The following INSL6 variants were observed in gnomAD, a reference collection of about 807,000 sequenced individuals.
INSL6 encodes the protein insulin like 6.
A neutral mutation model predicts 9.4 loss-of-function variants in INSL6; 16 were observed. That is an observed-to-expected ratio of 1.70 (90% CI 1.15 to 2.59). The LOEUF (loss-of-function observed/expected upper bound fraction) is 2.59. Ranked by LOEUF, INSL6 falls within the 30% of genes most tolerant of loss-of-function variation. The pLI is 0.00. For missense variants in INSL6, 391 were observed against 257.3 expected, an observed-to-expected ratio of 1.52 and a Z score of -3.56; for synonymous variants, 154 against 96.9, an observed-to-expected ratio of 1.59 and a Z score of -3.46.
At chr9:5,172,675 T>G (rs193206339) in intron 1 of INSL6, among the ~76,000 whole-genome samples, 1 of 152,138 alleles carries the variant, frequency 6.6e-6, no homozygotes, top group Admixed American at 6.5e-5. Context: ...ACGCCTGTAA[T>G]CCCAGCACTT....
the INSL6 span, chr9:5,072,675 G>T: frequency 7.0e-7 from 1 of 1,433,848 alleles, no homozygotes; most frequent in Non-Finnish European, 9.4e-7. Context: ...GTTTAAAGAT[G>T]TGCTCTCATA....
intron 3 of INSL6, among the ~76,000 whole-genome samples, chr9:5,125,487 CATAA>C (rs965916105): frequency 2.0e-5 from 3 of 151,440 alleles, no homozygotes; most frequent in Admixed American, 6.6e-5. Context: ...CATCCTCATG[CATAA>C]ATATTTATAT....
chr9:5,130,309 C>CTATT (rs1824243620), intron 3 of INSL6, among the ~76,000 whole-genome samples: 1 of 152,152 alleles, frequency 6.6e-6, no homozygotes, highest in Non-Finnish European at 1.5e-5. Context: ...CATATACATG[C>CTATT]TATTTATTGA....
chr9:5,041,050 C>T, the INSL6 span: 1 of 684,546 alleles, frequency 1.5e-6, no homozygotes. Context: ...CAGCTCAGCG[C>T]CATAGAGGGC....
the INSL6 span, among the ~76,000 whole-genome samples, chr9:5,067,855 A>T: frequency 6.6e-6 from 1 of 152,122 alleles, no homozygotes; most frequent in Non-Finnish European, 1.5e-5. Flanking sequence ...ACAGGTTTAC[A>T]ATTATTAAGA....
At chr9:5,072,002 A>T in the INSL6 span, among the ~76,000 whole-genome samples, 141 of 152,296 alleles carry the variant, frequency 9.3e-4, 1 homozygote, top group Admixed American at 9.2e-3. Flanking sequence ...GATCATAACA[A>T]TCCTATGGGA....
chr9:5,139,094 A>G (rs1824440377), intron 2 of INSL6, among the ~76,000 whole-genome samples: 1 of 152,188 alleles, frequency 6.6e-6, no homozygotes, highest in South Asian at 2.1e-4. Flanking sequence ...GAGAAATAGG[A>G]AAGAAACTAA....
chr9:5,129,687 T>C (rs1824217636), intron 3 of INSL6, among the ~76,000 whole-genome samples: 1 of 152,146 alleles, frequency 6.6e-6, no homozygotes. Flanking sequence ...TCTCAGATTT[T>C]AGTTGGTTGG....
At chr9:5,180,238 C>T (rs1040481799) in intron 1 of INSL6, among the ~76,000 whole-genome samples, 1 of 152,118 alleles carries the variant, frequency 6.6e-6, no homozygotes, top group East Asian at 1.9e-4. Context: ...TGTATGTCAC[C>T]TCAGGACCAC....
chr9:5,087,176 A>C, the INSL6 span, among the ~76,000 whole-genome samples: 1 of 152,360 alleles, frequency 6.6e-6, no homozygotes, highest in Non-Finnish European at 1.5e-5. Context: ...GTAATTTATA[A>C]AGGAAAGAGG....
At chr9:5,098,442 T>C in the INSL6 span, 1 of 152,186 alleles carries the variant, frequency 6.6e-6, no homozygotes. Context: ...TTTTCCTAAT[T>C]AGTTCCTGGT....
At chr9:5,090,771 C>T in the INSL6 span, 2 of 1,611,884 alleles carry the variant, frequency 1.2e-6, no homozygotes, top group African/African-American at 1.3e-5. Flanking sequence ...AAAGGTATAT[C>T]CACAGGGATC....
intron 3 of INSL6, among the ~76,000 whole-genome samples, chr9:5,132,452 T>C (rs1021134453): frequency 6.6e-6 from 1 of 152,136 alleles, no homozygotes; most frequent in Non-Finnish European, 1.5e-5. Flanking sequence ...ATGCCAAAAA[T>C]ACCTTGGTTC....
chr9:5,005,685 G>A, the INSL6 span, among the ~76,000 whole-genome samples: 2 of 152,248 alleles, frequency 1.3e-5, no homozygotes, highest in African/African-American at 2.4e-5. Flanking sequence ...AAGAATGTGG[G>A]TAAGTGTTTT....
the INSL6 span, among the ~76,000 whole-genome samples, chr9:5,018,333 G>C: frequency 6.6e-6 from 1 of 151,972 alleles, no homozygotes; most frequent in African/African-American, 2.4e-5. Context: ...TTGTTTGTTT[G>C]TTTGTTTCTT....
At chr9:5,126,774 G>GA in intron 3 of INSL6, 1 of 1,605,614 alleles carries the variant, frequency 6.2e-7, no homozygotes, top group East Asian at 2.2e-5. Flanking sequence ...TCAAATAAGG[G>GA]ATAACATGGC....
At position 5,185,579 on chromosome 9, in the gene INSL6, G is replaced by A. The variant is rs751444905; in HGVS notation, c.24C>T (p.Ser8=). The change falls in exon 1 of 2, where the codon TCC becomes TCT. Residue 8 remains serine, a synonymous_variant. Coordinates refer to ENST00000381641, the MANE Select transcript of INSL6 (RefSeq NM_007179.3). The part of the protein sequence containing the change: MPRLLRL[S]LLWLGLLLVR... Reference sequence around the variant, plus strand: ...CCAGCAGGAGTCCAAGCCACAGCAGGGACAAGCGGAGGAGCCGCGGCATCC... The same window carrying A: ...CCAGCAGGAGTCCAAGCCACAGCAGAGACAAGCGGAGGAGCCGCGGCATCC... 116 of 1,613,546 alleles carry A rather than the reference G, an allele frequency of 7.2e-5. No individual in the cohort carries two copies. The highest frequency in any genetic ancestry group is 1.9e-5 in the Non-Finnish European group (23 of 1,179,978).
At chr9:5,115,388 G>A in the INSL6 span, among the ~76,000 whole-genome samples, 426 of 152,228 alleles carry the variant, frequency 2.8e-3, 4 homozygotes, top group African/African-American at 9.6e-3. Context: ...TTAGAATGGC[G>A]ATCATTAAAA....
In INSL6 at chr9:5,185,420, G is replaced by T. The variant is rs775528701; in HGVS notation, c.183C>A (p.Phe61Leu). The change falls in exon 1 of 2, where the codon TTC (phenylalanine) becomes TTA (leucine). Residue 61 changes from phenylalanine to leucine, a missense_variant. By Grantham distance (22) the Phe-to-Leu change is conservative. Coordinates refer to ENST00000381641, the MANE Select transcript of INSL6 (RefSeq NM_007179.3). Reference protein sequence around the residue: ...SQFRFEEETPFSRLIAQASEK... With the variant: ...SQFRFEEETPLSRLIAQASEK... ...CCGAGGCCTGTGCAATCAACCGTGA[G>T]AAAGGGGTTTCCTCCTCGAAACGGA... is the stretch of plus-strand genomic sequence containing the variant. 11 of 1,614,076 alleles carry T rather than the reference G, an allele frequency of 6.8e-6. No individual in the cohort carries two copies. The Admixed American group carries it at 1.7e-4, about 24-fold the overall frequency.
Sources: allele counts gnomAD v4.1 joint callset (sites outside exome capture counted in the v4.1 genomes callset), GRCh38; gene constraint gnomAD v4.1.1; transcripts MANE v1.5; gene names NCBI Gene and HGNC (gene_info 2026-07-23, HGNC 2026-07-21).